ANKHD1: variants seen among roughly 807,000 people sequenced by gnomAD.
ANKHD1 encodes the protein ankyrin repeat and KH domain containing 1, also known as ankyrin repeat and KH domain-containing protein 1.
Under a neutral mutation model 230.5 loss-of-function variants are expected in ANKHD1, and 31 were observed. The observed-to-expected ratio is 0.13, with a 90% CI of 0.10 to 0.18. The LOEUF (loss-of-function observed/expected upper bound fraction) is 0.18. Among genes scored for constraint, ANKHD1 ranks in the 10% least tolerant of loss-of-function variants. The probability of loss-of-function intolerance (pLI) is 1.00; values close to 1 mark genes in which losing one functional copy is unlikely to be tolerated. For missense variants in ANKHD1, 2,256 were observed against 3,071.3 expected (o/e 0.73, Z 6.27); for synonymous variants, 1,074 against 1,117.6 (o/e 0.96, Z 0.78).
At chr5:140,457,542 A>G (rs1453741681) in intron 7 of ANKHD1, among the ~76,000 whole-genome samples, 4 of 152,214 alleles carry the variant, frequency 2.6e-5, no homozygotes, top group Admixed American at 6.5e-5. Flanking sequence ...GGATGAGTTC[A>G]TGTCCTTTGT....
chr5:140,485,763 T>C lies in ANKHD1; in HGVS notation c.2142+31T>C. ...GTAAAATGGAGCTTGTTTGTTAATA[T>C]AAATATTCTTCAACATGATTAGAAG... On this transcript the variant is annotated intron_variant, in intron 13 of 33. Transcript: ENST00000360839. This position sits in a 1 kb window ranked among gnomAD's most constrained non-coding sequence, Gnocchi z 4.8. The C allele has an allele frequency of 6.2e-7, 1 of 1,604,310 alleles. No individual in the cohort carries two copies. The highest frequency in any genetic ancestry group is 8.5e-7 in the Non-Finnish European group (1 of 1,177,944).
Position 140,485,977 on chromosome 5 carries a change from T to A in ANKHD1, c.2142+245T>A. 1 of 469,478 alleles carries A rather than the reference T, an allele frequency of 2.1e-6. No homozygotes were observed. 29.1% of individuals were successfully genotyped at this position (469,478 alleles called of 1,614,324 possible). A position where few individuals can be genotyped will look rare whatever the true frequency, so the allele number is the denominator to read the frequency against. On this transcript the variant is annotated intron_variant, in intron 13 of 33. Transcript: ENST00000360839. The surrounding 1 kb of genome is among the most constrained non-coding windows in gnomAD (Gnocchi z 4.8). ...TAATATCAAATATAAACGTAAGTATTCTAAGTTGTTATCTTATTACAACTA... is the reference window on the plus strand; with the variant it reads ...TAATATCAAATATAAACGTAAGTATACTAAGTTGTTATCTTATTACAACTA...
chr5:140,510,128 G>A lies in ANKHD1; in HGVS notation c.4051G>A (p.Val1351Met). ...GTTGCTAGTGCAAGCAGGTGCTGAT[G>A]TGGATGCAGCAGATAACCGGAAAAT... ...VQLLVQAGADVDAADNRKITP... is the reference protein window; with the variant it reads ...VQLLVQAGADMDAADNRKITP... Residue 1351 changes from valine (V) to methionine (M), a missense_variant, in exon 22 of 34, where the codon GTG becomes ATG. Val to Met is a conservative substitution (Grantham distance 21). Transcript: ENST00000360839. 6.2e-7 allele frequency: 1 copy of A among 1,613,908 alleles called. No homozygotes were observed. The highest frequency in any genetic ancestry group is 8.5e-7 in the Non-Finnish European group (1 of 1,179,872).
chr5:140,442,143 G>A (rs1459487849), intron 5 of ANKHD1, among the ~76,000 whole-genome samples: 1 of 148,500 alleles, frequency 6.7e-6, no homozygotes, highest in Non-Finnish European at 1.5e-5. Context: ...AGGTTCAAGA[G>A]ATTCTCTTGC....
At chr5:140,421,296 CTTTT>C (rs35408466) in intron 1 of ANKHD1, among the ~76,000 whole-genome samples, 4 of 94,524 alleles carry the variant, frequency 4.2e-5, no homozygotes, top group Admixed American at 1.3e-4. Context: ...AGAGTTTTTA[CTTTT>C]TTTTTTTTTT....
chr5:140,404,798 G>A (rs1418628271), intron 1 of ANKHD1, among the ~76,000 whole-genome samples: 5 of 151,226 alleles, frequency 3.3e-5, no homozygotes, highest in Admixed American at 6.6e-5. Context: ...GGGCTCGGGT[G>A]GTCCTCCTAC....
In ANKHD1 at chr5:140,525,990, T is replaced by C. The variant is rs574320706; in HGVS notation, c.4493-6T>C. The stretch of plus-strand genomic sequence containing the variant: ...GTATGATTTTTATTCTTTTTAACAA[T>C]TTCAGTGGAGCAAGAAGTTCCCATA... On this transcript the variant is annotated splice_region_variant and splice_polypyrimidine_tract_variant and intron_variant, in intron 25 of 33. Transcript: ENST00000360839. 6.4e-7 allele frequency: 1 copy of C among 1,560,480 alleles called. No homozygotes were observed. The highest frequency in any genetic ancestry group is 8.6e-7 in the Non-Finnish European group (1 of 1,160,360).
chr5:140,458,436 A>G (rs1775383458), intron 7 of ANKHD1, among the ~76,000 whole-genome samples, 189 bp from the exon 8 acceptor site: 1 of 152,176 alleles, frequency 6.6e-6, no homozygotes, highest in Admixed American at 6.6e-5. Flanking sequence ...AAAATTACTT[A>G]AAAGCAATAT....
intron 14 of ANKHD1, among the ~76,000 whole-genome samples, chr5:140,490,739 A>G (rs1372466946): frequency 2.0e-5 from 3 of 152,192 alleles, no homozygotes; most frequent in Non-Finnish European, 4.4e-5. Flanking sequence ...AAATTATGTC[A>G]GGATAAACAA....
chr5:140,519,059 C>A (rs1359757550), intron 24 of ANKHD1, among the ~76,000 whole-genome samples: 1 of 152,176 alleles, frequency 6.6e-6, no homozygotes. Flanking sequence ...CCCAAAATCT[C>A]CTTAAGCTGA....
intron 32 of ANKHD1, 78 bp from the exon 33 acceptor site, chr5:140,538,841 A>T: frequency 7.5e-7 from 1 of 1,326,758 alleles, no homozygotes. Flanking sequence ...GAGAAGTCTA[A>T]GCTGGTATTA....
chr5:140,469,164 T>C (rs1462797367), intron 10 of ANKHD1, among the ~76,000 whole-genome samples: 1 of 151,820 alleles, frequency 6.6e-6, no homozygotes, highest in Non-Finnish European at 1.5e-5. Context: ...TTAAACAGTT[T>C]AATTTTCTAA....
chr5:140,489,072 C>T (rs984962922), intron 14 of ANKHD1, among the ~76,000 whole-genome samples: 2 of 151,884 alleles, frequency 1.3e-5, no homozygotes, highest in African/African-American at 4.8e-5. Flanking sequence ...AGCCTGTAGT[C>T]CCTGCTGCTA....
chr5:140,447,056 C>A (rs1475499538), intron 6 of ANKHD1, among the ~76,000 whole-genome samples: 2 of 152,086 alleles, frequency 1.3e-5, no homozygotes, highest in Non-Finnish European at 2.9e-5. Context: ...ATTACAGGTG[C>A]ATGCCACATG....
In ANKHD1 at chr5:140,445,880, T is replaced by G. The variant is rs1252511238; in HGVS notation, c.1052T>G (p.Val351Gly). Residue 351 changes from valine to glycine, a missense_variant, in exon 6 of 34, where the codon GTG becomes GGG. Val to Gly is a moderately radical substitution (Grantham distance 109). Coordinates refer to ENST00000360839, the MANE Select transcript of ANKHD1 (RefSeq NM_017747.3). ...PLMEAASAGH[V>G]EVARVLLDHG... Reference sequence around the variant, plus strand: ...ATGGAAGCAGCCAGTGCAGGTCATGTGGAAGTTGCAAGAGTTCTTTTAGAT... The same window carrying G: ...ATGGAAGCAGCCAGTGCAGGTCATGGGGAAGTTGCAAGAGTTCTTTTAGAT... 4 of 1,613,798 alleles carry G rather than the reference T, an allele frequency of 2.5e-6. No homozygotes were observed. Among genetic ancestry groups the G allele is most frequent in the Non-Finnish European group, 3.4e-6 (4 of 1,179,788 alleles).
In ANKHD1 at chr5:140,496,812, G is replaced by A. The variant is rs368102081; in HGVS notation, c.2538G>A (p.Gln846=). Reference sequence around the variant, plus strand: ...TGCAGAAAGTGGAAAGGCAGTTGCAGATGAAAACACAGCAGCAATTTACCA... The same window carrying A: ...TGCAGAAAGTGGAAAGGCAGTTGCAAATGAAAACACAGCAGCAATTTACCA... ...KELQKVERQL[Q]MKTQQQFTKE... The change falls in exon 15 of 34, where the codon CAG becomes CAA. Residue 846 remains glutamine (Q), a synonymous_variant. Coordinates refer to ENST00000360839, the MANE Select transcript of ANKHD1 (RefSeq NM_017747.3). 3.0e-5 allele frequency: 49 copies of A among 1,614,104 alleles called. No individual in the cohort carries two copies. The highest frequency in any genetic ancestry group is 4.0e-5 in the Non-Finnish European group (47 of 1,180,024).
intron 30 of ANKHD1, among the ~76,000 whole-genome samples, chr5:140,536,672 C>A (rs1210421168): frequency 6.6e-6 from 1 of 152,094 alleles, no homozygotes; most frequent in Non-Finnish European, 1.5e-5. Context: ...TAGAGGGTCA[C>A]CAGATGTTTT....
At chr5:140,534,453 G>A (rs1753985625) in intron 29 of ANKHD1, among the ~76,000 whole-genome samples, 1 of 152,036 alleles carries the variant, frequency 6.6e-6, no homozygotes, top group South Asian at 2.1e-4. Flanking sequence ...CAGGTAATGA[G>A]TATGGAGTTT....
chr5:140,454,026 A>C (rs1338344638), intron 7 of ANKHD1, among the ~76,000 whole-genome samples: 1 of 152,210 alleles, frequency 6.6e-6, no homozygotes, highest in African/African-American at 2.4e-5. Context: ...AAGACCTACC[A>C]AGCAAATGGA....
Sources: gnomAD v4.1 joint callset for allele counts (sites outside exome capture counted in the v4.1 genomes callset) on GRCh38, gnomAD v4.1.1 for gene constraint, Gnocchi (gnomAD v3.1) non-coding constraint, MANE v1.5 for transcripts, NCBI Gene and HGNC (gene_info 2026-07-23, HGNC 2026-07-21) for gene names.